Variants in RPL19 observed in about 807,000 individuals in gnomAD.
RPL19 encodes large ribosomal subunit protein eL19.
RPL19 carries 2 observed loss-of-function variants against 25.1 expected under a neutral mutation model. That is an observed-to-expected ratio of 0.08 (90% CI 0.03 to 0.25). The LOEUF is 0.25. Ranked by LOEUF, RPL19 falls within the 10% of genes least tolerant of loss-of-function variation. The pLI is 1.00. For synonymous variants in RPL19, 89 were observed against 91.2 expected (o/e 0.98, Z 0.14); for missense variants, 123 against 271.8 (o/e 0.45, Z 3.85).
chr17:39,202,504 G>A, intron 3 of RPL19, 65 bp downstream of exon 3: 2 of 1,579,116 alleles, frequency 1.3e-6, no homozygotes, highest in South Asian at 1.1e-5. Context: ...AATATATTCA[G>A]GATCTAAGCA....
intron 3 of RPL19, 80 bp downstream of exon 3, chr17:39,202,519 G>T (rs532619646): frequency 6.5e-7 from 1 of 1,534,680 alleles, no homozygotes; most frequent in Non-Finnish European, 9.0e-7. Context: ...TAAGCACTCT[G>T]TCTCATCTTG....
Position 39,201,250 on chromosome 17 carries a change from C to T in RPL19, c.43C>T (p.Leu15Phe). Residue 15 changes from leucine (L) to phenylalanine (F), a missense_variant, in exon 2 of 6, where the codon CTC (leucine) becomes TTC (phenylalanine). Leu to Phe is a conservative substitution (Grantham distance 22, BLOSUM62 0). Transcript: ENST00000225430. ...TCAGAAGAGGCTCGCCTCTAGTGTC[C>T]TCCGCTGTGGCAAGAAGAAGGTCTG... ...RLQKRLASSV[L>F]RCGKKKVWLD... 6.2e-7 allele frequency: 1 copy of T among 1,613,388 alleles called. No homozygotes were observed. Among genetic ancestry groups the T allele is most frequent in the Non-Finnish European group, 8.5e-7 (1 of 1,179,818 alleles).
At chr17:39,200,983 T>C (rs1180253449) in intron 1 of RPL19, 6 of 494,646 alleles carry the variant, frequency 1.2e-5, no homozygotes, top group Non-Finnish European at 1.8e-5. Context: ...GGCTTGACTT[T>C]CCAGAGGAGA....
chr17:39,204,375 G>A lies in RPL19; in HGVS notation c.468-150G>A, dbSNP rs1433522851. 5.0e-6 allele frequency: 5 copies of A among 990,490 alleles called. No individual in the cohort carries two copies. The East Asian group carries it at 9.6e-5, about 19-fold the overall frequency. 61.4% of individuals were successfully genotyped at this position (990,490 alleles called of 1,614,324 possible). On this transcript the variant is annotated intron_variant, in intron 5 of 5. Transcript: ENST00000225430. ...CACTCTTCCTGTCTCGTAGGGACTA[G>A]AGGTTAGTTGAAGCAGGAGCCTTTG... is the stretch of plus-strand genomic sequence containing the variant.
At chr17:39,200,682 C>T in intron 1 of RPL19, 1 of 1,115,014 alleles carries the variant, frequency 9.0e-7, no homozygotes, top group Non-Finnish European at 1.1e-6. Flanking sequence ...GAGCCGATCT[C>T]TGCTTTCACG....
At chr17:39,203,356 C>T (rs991185359) in intron 4 of RPL19, among the ~76,000 whole-genome samples, 2 of 151,404 alleles carry the variant, frequency 1.3e-5, no homozygotes, top group East Asian at 1.9e-4. Context: ...TAATTTTTTG[C>T]ATTTTTAGTA....
rs2046279662 is a variant in RPL19 at position 39,200,584 on chromosome 17, C to T, written c.5+235C>T. 3.9e-6 allele frequency: 5 copies of T among 1,267,646 alleles called. No homozygotes were observed. In the African/African-American group the frequency reaches 7.7e-5, roughly 20 times the overall value. The allele number at this position is 1,267,646 out of a possible 1,614,324, so 78.5% of individuals were successfully genotyped here. ...CTGCCCCGGCTGGTGCCGCACCGCA[C>T]ACGTGTCCGGTCGACCCACGCGAGC... is the stretch of plus-strand genomic sequence containing the variant. On this transcript the variant is annotated intron_variant, in intron 1 of 5. Transcript: ENST00000225430.
intron 2 of RPL19, among the ~76,000 whole-genome samples, chr17:39,201,582 A>AT (rs1416613622): frequency 2.0e-5 from 3 of 149,504 alleles, no homozygotes; most frequent in Admixed American, 1.3e-4. Flanking sequence ...ATTTTATTTT[A>AT]TTTTTTTTGG....
chr17:39,204,470 T>G lies in RPL19; in HGVS notation c.468-55T>G. Reference sequence around the variant, plus strand: ...AGAGGTCTGGGGATGTGCTTCTGTCTCCCTAGCATCTCATCTCTTCCCAAA... The same window carrying G: ...AGAGGTCTGGGGATGTGCTTCTGTCGCCCTAGCATCTCATCTCTTCCCAAA... On this transcript the variant is annotated intron_variant, in intron 5 of 5. Transcript: ENST00000225430. 6 of 1,602,294 alleles carry G rather than the reference T, an allele frequency of 3.7e-6. No individual in the cohort carries two copies. In the South Asian group the frequency reaches 4.4e-5, roughly 12 times the overall value.
At chr17:39,203,346 T>A (rs1268765054) in intron 4 of RPL19, among the ~76,000 whole-genome samples, 1 of 151,886 alleles carries the variant, frequency 6.6e-6, no homozygotes, top group Non-Finnish European at 1.5e-5. Context: ...CATACCTGGC[T>A]AATTTTTTGC....
chr17:39,202,372 G>A lies in RPL19; in HGVS notation c.168G>A (p.Thr56=), dbSNP rs747510551. ...KDGLIIRKPV[T]VHSRARCRKN... Reference sequence around the variant, plus strand: ...GGCTGATCATCCGCAAGCCTGTGACGGTCCATTCCCGGGCTCGATGCCGGA... The same window carrying A: ...GGCTGATCATCCGCAAGCCTGTGACAGTCCATTCCCGGGCTCGATGCCGGA... Residue 56 remains threonine, a synonymous_variant, in exon 3 of 6, where the codon ACG becomes ACA. Transcript: ENST00000225430. The A allele has an allele frequency of 9.9e-6, 16 of 1,614,058 alleles. No individual in the cohort carries two copies. Among genetic ancestry groups the A allele is most frequent in the East Asian group, 2.2e-5 (1 of 44,900 alleles).
chr17:39,201,119 G>A, intron 1 of RPL19, 94 bp from the exon 2 acceptor site: 2 of 795,826 alleles, frequency 2.5e-6, no homozygotes, highest in Non-Finnish European at 4.3e-6. Flanking sequence ...TTTCGCGGCT[G>A]TGGTGTGGGT....
At chr17:39,202,783 C>T in intron 3 of RPL19, 1 of 623,554 alleles carries the variant, frequency 1.6e-6, no homozygotes, top group Admixed American at 2.9e-5. Flanking sequence ...GGAATTATTG[C>T]TGTATTTGTG....
chr17:39,200,963 A>G (rs964514734), intron 1 of RPL19, among the ~76,000 whole-genome samples: 1 of 152,140 alleles, frequency 6.6e-6, no homozygotes, highest in East Asian at 1.9e-4. Context: ...ATTCAATCCA[A>G]TAAGTCCTTG....
rs778759494 is a variant in RPL19 at position 39,204,427 on chromosome 17, C to CT, written c.468-97dup. ...TGGGCCCAGCAACTCATTCCAGAAGCTGACTAGGCTCAAAGGGAGAGGTCT... is the reference window on the plus strand; with the variant it reads ...TGGGCCCAGCAACTCATTCCAGAAGCTTGACTAGGCTCAAAGGGAGAGGTCT... On this transcript the variant is annotated intron_variant, in intron 5 of 5. Transcript: ENST00000225430. 1.9e-4 allele frequency: 278 copies of CT among 1,451,870 alleles called. 1 individual carries two copies. The highest frequency in any genetic ancestry group is 2.5e-4 in the Non-Finnish European group (263 of 1,054,950). The allele number at this position is 1,451,870 out of a possible 1,614,324, so 89.9% of individuals were successfully genotyped here. A position where few individuals can be genotyped will look rare whatever the true frequency, so the allele number is the denominator to read the frequency against.
Position 39,204,661 on chromosome 17 carries a change from T to A in RPL19, c.*13T>A, listed in dbSNP as rs530686988. ...GACCAAGAAATAAAACCTCCCACTT[T>A]GTCTGTACATACTGGCCTCTGTGAT... On this transcript the variant is annotated 3_prime_UTR_variant, in exon 6 of 6. Coordinates refer to ENST00000225430, the MANE Select transcript of RPL19 (RefSeq NM_000981.4). 1.2e-6 allele frequency: 2 copies of A among 1,613,046 alleles called. No individual in the cohort carries two copies. The highest frequency in any genetic ancestry group is 1.3e-5 in the African/African-American group (1 of 74,872).
In RPL19 at chr17:39,202,458, T is replaced by C. The variant is rs1208845916; in HGVS notation, c.235+19T>C. The C allele has an allele frequency of 3.1e-6, 5 of 1,614,006 alleles. No homozygotes were observed. The Admixed American group carries it at 6.7e-5, about 22-fold the overall frequency. The stretch of plus-strand genomic sequence containing the variant: ...GGCATAGGTAAGTGTGGTCATCTTC[T>C]CCTTAAGAAATGATAGGTGCTGGCA... On this transcript the variant is annotated intron_variant, in intron 3 of 5. Transcript: ENST00000225430.
chr17:39,201,430 CTG>C lies in RPL19; in HGVS notation c.112+113_112+114del, dbSNP rs1411145879. The C allele has an allele frequency of 2.0e-5, 13 of 660,664 alleles. No individual in the cohort carries two copies. In the Admixed American group the frequency reaches 3.0e-4, roughly 15 times the overall value. 40.9% of individuals were successfully genotyped at this position (660,664 alleles called of 1,614,324 possible). ...TTTTTTTTTTTTAGACAGTCTTGCT[CTG>C]TTGTCCAGGCTGGAGTGTAGTGGTG... On this transcript the variant is annotated intron_variant, in intron 2 of 5. Coordinates refer to ENST00000225430, the MANE Select transcript of RPL19 (RefSeq NM_000981.4).
rs773243876 is a variant in RPL19, at chr17:39,203,103, G to A, written c.350G>A (p.Arg117His). 2.4e-5 allele frequency: 39 copies of A among 1,611,002 alleles called. No homozygotes were observed. The East Asian group carries it at 4.2e-4, about 18-fold the overall frequency. Reference sequence around the variant, plus strand: ...TACCGTGAATCTAAGAAGATCGATCGCCACATGTAAGCACACCCTCTTGGG... The same window carrying A: ...TACCGTGAATCTAAGAAGATCGATCACCACATGTAAGCACACCCTCTTGGG... ...RRYRESKKID[R>H]HMYHSLYLKV... Residue 117 changes from arginine to histidine, a missense_variant, in exon 4 of 6, where the codon CGC (arginine) becomes CAC (histidine). Arg to His is a conservative substitution (Grantham distance 29). Coordinates refer to ENST00000225430, the MANE Select transcript of RPL19 (RefSeq NM_000981.4).
Sources: allele counts gnomAD v4.1 joint callset (sites outside exome capture counted in the v4.1 genomes callset), GRCh38; gene constraint gnomAD v4.1.1; transcripts MANE v1.5; gene names NCBI Gene and HGNC (gene_info 2026-07-23, HGNC 2026-07-21).